Variants in PLCXD3 observed in about 807,000 individuals in gnomAD.
The protein encoded by PLCXD3 is phosphatidylinositol specific phospholipase C X domain containing 3.
A neutral mutation model predicts 25.5 loss-of-function variants in PLCXD3; 19 were observed. The observed-to-expected ratio is 0.75, with a 90% CI of 0.52 to 1.09. PLCXD3 has a LOEUF of 1.09. PLCXD3 is among the 50% of genes least tolerant of loss of function. The pLI is 0.00. For synonymous variants in PLCXD3, 174 were observed against 137.6 expected (o/e 1.26, Z -1.85); for missense variants, 411 against 388.1 (o/e 1.06, Z -0.50).
At chr5:41,387,657 T>C (rs1290048114) in intron 1 of PLCXD3, among the ~76,000 whole-genome samples, 1 of 152,170 alleles carries the variant, frequency 6.6e-6, no homozygotes, top group Non-Finnish European at 1.5e-5. Context: ...CTACTAGTTC[T>C]ATTTTGTAAA....
At chr5:41,488,041 A>G (rs1014995380) in intron 1 of PLCXD3, among the ~76,000 whole-genome samples, 13 of 145,744 alleles carry the variant, frequency 8.9e-5, no homozygotes, top group African/African-American at 3.0e-4. Flanking sequence ...AGCATTAGGT[A>G]TATCTCCTAA....
intron 1 of PLCXD3, among the ~76,000 whole-genome samples, chr5:41,489,461 G>T (rs552833193): frequency 6.6e-6 from 1 of 152,136 alleles, no homozygotes; most frequent in African/African-American, 2.4e-5. Flanking sequence ...TTCCAATTCT[G>T]TGATGAAAGG....
At chr5:41,413,374 A>C (rs1746611274) in intron 1 of PLCXD3, among the ~76,000 whole-genome samples, 1 of 152,242 alleles carries the variant, frequency 6.6e-6, no homozygotes, top group African/African-American at 2.4e-5. Context: ...GAGTCATTTC[A>C]AATCAAATGA....
intron 1 of PLCXD3, among the ~76,000 whole-genome samples, chr5:41,455,752 G>C (rs371241216): frequency 2.5e-4 from 38 of 152,030 alleles, no homozygotes; most frequent in African/African-American, 9.2e-4. Context: ...ACTGCATATA[G>C]TTCAAGGATA....
chr5:41,475,645 G>C, intron 1 of PLCXD3: 1 of 534,704 alleles, frequency 1.9e-6, no homozygotes, highest in South Asian at 1.4e-5. Context: ...GTCCCTGTTT[G>C]TCCCTGTTCA....
At chr5:41,367,750 T>C (rs986230788) in intron 2 of PLCXD3, among the ~76,000 whole-genome samples, 2 of 152,204 alleles carry the variant, frequency 1.3e-5, no homozygotes, top group Admixed American at 1.3e-4. Flanking sequence ...TTAGGTTTTC[T>C]TTTAGGGTTT....
chr5:41,398,858 G>C (rs1484571886), intron 1 of PLCXD3, among the ~76,000 whole-genome samples: 1 of 152,122 alleles, frequency 6.6e-6, no homozygotes, highest in African/African-American at 2.4e-5. Flanking sequence ...CCTAGCTAGA[G>C]CAATCAGACA....
intron 1 of PLCXD3, among the ~76,000 whole-genome samples, chr5:41,393,689 G>A (rs917357613): frequency 3.3e-5 from 5 of 152,106 alleles, no homozygotes; most frequent in African/African-American, 1.2e-4. Flanking sequence ...GGAGGCTGAG[G>A]TGGGTGGATC....
intron 1 of PLCXD3, among the ~76,000 whole-genome samples, chr5:41,477,400 T>C (rs1217525637): frequency 6.6e-6 from 1 of 152,180 alleles, no homozygotes; most frequent in African/African-American, 2.4e-5. Flanking sequence ...ACTTAGATCC[T>C]ATCCCCATAC....
rs1343247936 is a variant in PLCXD3 at position 41,381,885 on chromosome 5, G to A, written c.753C>T (p.Pro251=). 2.5e-6 allele frequency: 4 copies of A among 1,613,008 alleles called. No homozygotes were observed. Among genetic ancestry groups the A allele is most frequent in the Non-Finnish European group, 2.5e-6 (3 of 1,179,660 alleles). ...SFFISQVVLT[P]KASTVVKGVA... ...CCCCTTTGACCACAGTGCTAGCTTT[G>A]GGGGTCAGCACCACCTGAGATATAA... is the stretch of plus-strand genomic sequence containing the variant. The change falls in exon 2 of 3, where the codon CCC becomes CCT. Residue 251 remains proline, a synonymous_variant. Transcript: ENST00000377801.
At chr5:41,314,109 G>A (rs1221305787) in intron 2 of PLCXD3, among the ~76,000 whole-genome samples, 1 of 152,150 alleles carries the variant, frequency 6.6e-6, no homozygotes, top group Non-Finnish European at 1.5e-5. Context: ...GCAAAACTAC[G>A]GATTGGGGAG....
Position 41,381,985 on chromosome 5 carries a change from T to C in PLCXD3, c.653A>G (p.Asn218Ser). 1 of 1,613,528 alleles carries C rather than the reference T, an allele frequency of 6.2e-7. No individual in the cohort carries two copies. The highest frequency in any genetic ancestry group is 1.1e-5 in the South Asian group (1 of 91,072). The change falls in exon 2 of 3, where the codon AAC becomes AGC. Residue 218 changes from asparagine (N) to serine (S), a missense_variant. Physicochemically the swap from Asn to Ser is conservative, Grantham distance 46. Coordinates refer to ENST00000377801, the MANE Select transcript of PLCXD3 (RefSeq NM_001005473.3). The part of the protein sequence containing the change: ...PGQMMPAPWA[N>S]TTDPEKLIQF... ...GATCAGTTTCTCGGGGTCTGTGGTG[T>C]TGGCCCAGGGTGCTGGCATCATCTG...
At chr5:41,406,147 CTG>C (rs1180606301) in intron 1 of PLCXD3, among the ~76,000 whole-genome samples, 2 of 152,070 alleles carry the variant, frequency 1.3e-5, no homozygotes, top group African/African-American at 2.4e-5. Context: ...TCTTCTCTTT[CTG>C]TGATTGTCCT....
At chr5:41,384,357 G>T (rs1437494588) in intron 1 of PLCXD3, among the ~76,000 whole-genome samples, 1 of 152,050 alleles carries the variant, frequency 6.6e-6, no homozygotes, top group Non-Finnish European at 1.5e-5. Context: ...TATATACAAA[G>T]AAGTGTGTCT....
chr5:41,313,369 T>A lies in PLCXD3; in HGVS notation c.*248A>T, dbSNP rs1743194954. ...GACTAATTTTGAAAAACAAAGTTAC[T>A]GGTCTTTTTTTTTTATTCCTAACAC... On this transcript the variant is annotated 3_prime_UTR_variant, in exon 3 of 3. Coordinates refer to ENST00000377801, the MANE Select transcript of PLCXD3 (RefSeq NM_001005473.3). 2.3e-6 allele frequency: 1 copy of A among 431,132 alleles called. No individual in the cohort carries two copies. The highest frequency in any genetic ancestry group is 2.1e-5 in the African/African-American group (1 of 47,776). The allele number at this position is 431,132 out of a possible 1,614,324, so 26.7% of individuals were successfully genotyped here.
At chr5:41,472,934 G>GA (rs1168536335) in intron 1 of PLCXD3, among the ~76,000 whole-genome samples, 1 of 151,910 alleles carries the variant, frequency 6.6e-6, no homozygotes, top group Non-Finnish European at 1.5e-5. Context: ...ACATGATTTA[G>GA]AAAAAACTCA....
At chr5:41,327,745 T>C (rs1743675222) in intron 2 of PLCXD3, among the ~76,000 whole-genome samples, 2 of 152,224 alleles carry the variant, frequency 1.3e-5, no homozygotes, top group South Asian at 2.1e-4. Flanking sequence ...TGTGATTATA[T>C]AGTTACTGTG....
At chr5:41,503,987 T>TTGTG (rs36021542) in intron 1 of PLCXD3, among the ~76,000 whole-genome samples, 4,222 of 148,490 alleles carry the variant, frequency 0.028, 129 homozygotes, top group African/African-American at 0.08. Flanking sequence ...GTGTGTGCAC[T>TTGTG]TGTGTGTGTG....
At chr5:41,458,485 G>A (rs1747804689) in intron 1 of PLCXD3, among the ~76,000 whole-genome samples, 2 of 151,924 alleles carry the variant, frequency 1.3e-5, no homozygotes, top group South Asian at 2.1e-4. Context: ...CAATGACAAG[G>A]AAAGTTGGGG....
Sources: allele counts gnomAD v4.1 joint callset (sites outside exome capture counted in the v4.1 genomes callset), GRCh38; gene constraint gnomAD v4.1.1; transcripts MANE v1.5; gene names NCBI Gene and HGNC (gene_info 2026-07-23, HGNC 2026-07-21).